DAGLB: variants seen among roughly 807,000 people sequenced by gnomAD.
DAGLB encodes the protein diacylglycerol lipase-beta.
Under a neutral mutation model 72.1 loss-of-function variants are expected in DAGLB, and 66 were observed. That is an observed-to-expected ratio of 0.92 (90% CI 0.75 to 1.12). DAGLB has a LOEUF of 1.12. DAGLB is among the 50% of genes most tolerant of loss of function. The probability of loss-of-function intolerance (pLI) is 0.00; values close to 1 mark genes in which losing one functional copy is unlikely to be tolerated. For synonymous variants in DAGLB, 414 were observed against 359.5 expected (o/e 1.15, Z -1.71); for missense variants, 1,065 against 884.9 (o/e 1.20, Z -2.58).
In DAGLB at chr7:6,412,823, G is replaced by A. The variant is rs778381772; in HGVS notation, c.1557C>T (p.Cys519=). 2.5e-6 allele frequency: 4 copies of A among 1,589,196 alleles called. No homozygotes were observed. Among genetic ancestry groups the A allele is most frequent in the African/African-American group, 1.3e-5 (1 of 74,710 alleles). Residue 519 remains cysteine (C), a synonymous_variant, in exon 13 of 15, where the codon TGC becomes TGT. Transcript: ENST00000297056. ...KRRILRVVAH[C]NKPKYKILLH... ...GGCACCCGCTTACCTTGGGTTTATT[G>A]CAGTGCGCGACCACTCGCAAGATTC...
At chr7:6,414,597 AG>A (rs918649083) in intron 11 of DAGLB, among the ~76,000 whole-genome samples, 58 of 152,180 alleles carry the variant, frequency 3.8e-4, no homozygotes, top group African/African-American at 1.2e-3. Flanking sequence ...CAACATGCCC[AG>A]CCTCCTGATG....
chr7:6,430,285 A>ATATATATATATATATATATATATATGGG (rs1784444801), intron 6 of DAGLB, among the ~76,000 whole-genome samples, 195 bp downstream of exon 6: 1 of 98,416 alleles, frequency 1.0e-5, no homozygotes, highest in Non-Finnish European at 2.0e-5. Flanking sequence ...ATATATATGC[A>ATATATATATATATATATATATATATGGG]GGGGGGAGGG....
At chr7:6,427,721 T>C (rs1192255699) in intron 6 of DAGLB, among the ~76,000 whole-genome samples, 1 of 151,892 alleles carries the variant, frequency 6.6e-6, no homozygotes, top group Non-Finnish European at 1.5e-5. Context: ...AGGTTGAGGG[T>C]ATGGTGTTAC....
intron 11 of DAGLB, among the ~76,000 whole-genome samples, chr7:6,414,144 G>A (rs1182770531): frequency 3.3e-5 from 5 of 151,906 alleles, no homozygotes; most frequent in African/African-American, 1.2e-4. Context: ...CCAAGCAGCT[G>A]GGACTACAGG....
chr7:6,444,138 G>T (rs1490918698), intron 2 of DAGLB, among the ~76,000 whole-genome samples: 2 of 152,112 alleles, frequency 1.3e-5, no homozygotes, highest in Non-Finnish European at 2.9e-5. Context: ...GCCAGGTATG[G>T]TGGCACGTGC....
At chr7:6,429,439 C>T (rs1157120657) in intron 6 of DAGLB, among the ~76,000 whole-genome samples, 1 of 151,486 alleles carries the variant, frequency 6.6e-6, no homozygotes, top group Non-Finnish European at 1.5e-5. Flanking sequence ...ACGCATCATC[C>T]TGGATTGGAG....
chr7:6,443,363 T>C (rs903549271), intron 2 of DAGLB, among the ~76,000 whole-genome samples: 1 of 151,620 alleles, frequency 6.6e-6, no homozygotes, highest in Non-Finnish European at 1.5e-5. Flanking sequence ...TGAGGCAGAA[T>C]TGTTTGAATC....
At chr7:6,443,853 C>T (rs561515359) in intron 2 of DAGLB, among the ~76,000 whole-genome samples, 24 of 152,272 alleles carry the variant, frequency 1.6e-4, no homozygotes, top group Admixed American at 5.9e-4. Context: ...TTATTAGTCA[C>T]CACAGTGCTC....
chr7:6,430,589 C>T lies in DAGLB; in HGVS notation c.820G>A (p.Glu274Lys). The T allele has an allele frequency of 6.2e-7, 1 of 1,602,274 alleles. No homozygotes were observed. The highest frequency in any genetic ancestry group is 8.5e-7 in the Non-Finnish European group (1 of 1,172,416). ...GSSQEADLDA[E>K]LENCHHYMQF... ...ATGTAATGATGGCAGTTTTCTAATT[C>T]TGCATCCAGATCAGCTTCCTACAAG... Residue 274 changes from glutamate to lysine, a missense_variant, in exon 6 of 15, where the codon GAA (glutamate) becomes AAA (lysine). Coordinates refer to ENST00000297056, the MANE Select transcript of DAGLB (RefSeq NM_139179.4).
chr7:6,415,174 A>C (rs1025926340), intron 11 of DAGLB, among the ~76,000 whole-genome samples: 3 of 152,076 alleles, frequency 2.0e-5, no homozygotes, highest in African/African-American at 7.2e-5. Flanking sequence ...TAAAAAAAAA[A>C]AAAAGACAGC....
chr7:6,441,999 C>T (rs575925312), intron 2 of DAGLB, among the ~76,000 whole-genome samples: 3 of 152,148 alleles, frequency 2.0e-5, no homozygotes, highest in East Asian at 1.9e-4. Flanking sequence ...GCTTGCCCTG[C>T]GCTGTGAGTG....
At chr7:6,426,672 A>C (rs1038888111) in intron 6 of DAGLB, among the ~76,000 whole-genome samples, 1 of 152,206 alleles carries the variant, frequency 6.6e-6, no homozygotes, top group Non-Finnish European at 1.5e-5. Flanking sequence ...AAAATTCATC[A>C]ACAAGGATGG....
Position 6,436,390 on chromosome 7 carries a change from T to A in DAGLB, c.391A>T (p.Asn131Tyr), listed in dbSNP as rs1236086194. ...ACCACGACGGTTGCGATGATGCCGTTTACAACTGTCCTGTCGCACTGAACA... is the reference window on the plus strand; with the variant it reads ...ACCACGACGGTTGCGATGATGCCGTATACAACTGTCCTGTCGCACTGAACA... ...DGVQCDRTVV[N>Y]GIIATVVVSW... Residue 131 changes from asparagine (N) to tyrosine (Y), a missense_variant, in exon 3 of 15, where the codon AAC (asparagine) becomes TAC (tyrosine). Transcript: ENST00000297056. 6.2e-7 allele frequency: 1 copy of A among 1,612,566 alleles called. No homozygotes were observed. The highest frequency in any genetic ancestry group is 8.5e-7 in the Non-Finnish European group (1 of 1,179,718).
intron 3 of DAGLB, 143 bp downstream of exon 3, chr7:6,436,219 T>G (rs1197820004): frequency 1.9e-6 from 2 of 1,038,774 alleles, no homozygotes; most frequent in Non-Finnish European, 2.8e-6. Flanking sequence ...TCTCTAAATT[T>G]TCATGAGTTA....
intron 14 of DAGLB, 24 bp downstream of exon 14, chr7:6,410,106 C>T: frequency 6.3e-7 from 1 of 1,577,396 alleles, no homozygotes; most frequent in Non-Finnish European, 8.6e-7. Flanking sequence ...TGCCTGCCCA[C>T]CACACCCACC....
Position 6,445,760 on chromosome 7 carries a change from G to A in DAGLB, c.247+193C>T, listed in dbSNP as rs185270771. The A allele has an allele frequency of 4.1e-4, 239 of 581,386 alleles. 1 individual carries two copies. The African/African-American group carries it at 4.3e-3, about 10-fold the overall frequency. The allele number at this position is 581,386 out of a possible 1,614,324, so 36.0% of individuals were successfully genotyped here. On this transcript the variant is annotated intron_variant, in intron 2 of 14. Transcript: ENST00000297056. ...TTACAGGTGTGAGCCACTGTGTCCCGCCTGGTACAGGATTTCTTTCAGGAG... is the reference window on the plus strand; with the variant it reads ...TTACAGGTGTGAGCCACTGTGTCCCACCTGGTACAGGATTTCTTTCAGGAG...
intron 13 of DAGLB, 72 bp from the exon 14 acceptor site, chr7:6,410,452 G>A: frequency 1.3e-6 from 2 of 1,526,088 alleles, no homozygotes; most frequent in South Asian, 2.6e-5. Flanking sequence ...GAAACACCAA[G>A]GCGGACCAGG....
chr7:6,446,121 AG>A lies in DAGLB; in HGVS notation c.96-18del. 1.3e-6 allele frequency: 2 copies of A among 1,569,794 alleles called. No homozygotes were observed. The highest frequency in any genetic ancestry group is 1.7e-6 in the Non-Finnish European group (2 of 1,160,130). On this transcript the variant is annotated intron_variant, in intron 1 of 14. Coordinates refer to ENST00000297056, the MANE Select transcript of DAGLB (RefSeq NM_139179.4). ...CCAATCCACCTGGCAAAAAAAAAAA[AG>A]GGAAGGGTCAGAAATGAAATCCAAG... is the stretch of plus-strand genomic sequence containing the variant.
intron 9 of DAGLB, among the ~76,000 whole-genome samples, chr7:6,419,681 T>C (rs1784044328): frequency 6.6e-6 from 1 of 152,178 alleles, no homozygotes. Context: ...AAGCCGCGGA[T>C]CCTCAGCTTG....
Sources: allele counts gnomAD v4.1 joint callset (sites outside exome capture counted in the v4.1 genomes callset), GRCh38; gene constraint gnomAD v4.1.1; transcripts MANE v1.5; gene names NCBI Gene and HGNC (gene_info 2026-07-23, HGNC 2026-07-21).